KCND2: variants seen among roughly 807,000 people sequenced by gnomAD.
KCND2 encodes the protein potassium voltage-gated channel subfamily D member 2, also known as A-type voltage-gated potassium channel KCND2.
Under a neutral mutation model 54.4 loss-of-function variants are expected in KCND2, and 16 were observed. The ratio of observed to expected loss-of-function variants is 0.29; its 90% CI spans 0.20 to 0.45. The LOEUF is 0.45. KCND2 is among the 20% of genes least tolerant of loss of function. The pLI, the probability that KCND2 is intolerant of heterozygous loss-of-function variation, is 1.00. For missense variants in KCND2, 486 were observed against 824.2 expected (o/e 0.59, Z 5.02); for synonymous variants, 317 against 310.7 (o/e 1.02, Z -0.21).
chr7:120,279,133 G>A (rs11773232), intron 1 of KCND2, among the ~76,000 whole-genome samples: 19,046 of 151,696 alleles, frequency 0.13, 1,259 homozygotes, highest in African/African-American at 0.16. Flanking sequence ...GCTAAACTTA[G>A]GAAATTTCCA....
At chr7:120,558,424 C>G (rs58650519) in intron 1 of KCND2, among the ~76,000 whole-genome samples, 2,467 of 152,214 alleles carry the variant, frequency 0.016, 56 homozygotes, top group African/African-American at 0.055. Flanking sequence ...ATTCCTTCTA[C>G]ACACAAACAC....
At chr7:120,684,849 T>C (rs184927006) in intron 1 of KCND2, among the ~76,000 whole-genome samples, 9 of 152,264 alleles carry the variant, frequency 5.9e-5, no homozygotes, top group African/African-American at 1.7e-4. Flanking sequence ...GGGATACAGA[T>C]TGCACATTCC....
chr7:120,558,002 A>G (rs1792185286), intron 1 of KCND2, among the ~76,000 whole-genome samples: 1 of 152,150 alleles, frequency 6.6e-6, no homozygotes, highest in Admixed American at 6.5e-5. Context: ...ACTTTCTGCA[A>G]CCTGGCAGAG....
At chr7:120,398,015 AT>A (rs1801184425) in intron 1 of KCND2, among the ~76,000 whole-genome samples, 3 of 133,410 alleles carry the variant, frequency 2.2e-5, no homozygotes, top group African/African-American at 9.5e-5. Flanking sequence ...ATATATATAT[AT>A]ATATATATAT....
intron 1 of KCND2, among the ~76,000 whole-genome samples, chr7:120,427,497 A>G (rs1801727852): frequency 6.6e-6 from 1 of 152,368 alleles, no homozygotes; most frequent in East Asian, 1.9e-4. Flanking sequence ...AAGAATGGCC[A>G]TAAAAGCTGG....
chr7:120,684,160 C>T (rs1470317490), intron 1 of KCND2, among the ~76,000 whole-genome samples: 1 of 152,138 alleles, frequency 6.6e-6, no homozygotes, highest in African/African-American at 2.4e-5. Context: ...GAGCCTAATT[C>T]TGAACATGAG....
intron 1 of KCND2, among the ~76,000 whole-genome samples, chr7:120,298,189 A>G (rs1019157596): frequency 1.3e-5 from 2 of 152,180 alleles, no homozygotes; most frequent in African/African-American, 4.8e-5. Flanking sequence ...ATATTAACTT[A>G]CACAGACATA....
At position 120,747,792 on chromosome 7, in the gene KCND2, A is replaced by G. The variant is rs1793025430; in HGVS notation, c.1827A>G (p.Glu609=). The G allele has an allele frequency of 6.2e-7, 1 of 1,612,822 alleles. No homozygotes were observed. The highest frequency in any genetic ancestry group is 1.3e-5 in the African/African-American group (1 of 75,012). The part of the protein sequence containing the change: ...SIPTPPVTTP[E]GDDRPESPEY... ...CAACACCTCCAGTAACCACACCAGA[A>G]GGAGACGATAGGCCAGAATCCCCTG... Residue 609 remains glutamate, a synonymous_variant, in exon 6 of 6, where the codon GAA becomes GAG. Transcript: ENST00000331113.
At chr7:120,656,509 A>C (rs558036098) in intron 1 of KCND2, among the ~76,000 whole-genome samples, 45 of 152,234 alleles carry the variant, frequency 3.0e-4, no homozygotes, top group Non-Finnish European at 5.6e-4. Flanking sequence ...AAGTACACAG[A>C]GCATACTGAG....
intron 1 of KCND2, among the ~76,000 whole-genome samples, chr7:120,558,769 A>G (rs956906910): frequency 6.6e-6 from 1 of 151,994 alleles, no homozygotes; most frequent in African/African-American, 2.4e-5. Flanking sequence ...TTCCTTTTTA[A>G]CAGTTGCCTG....
At chr7:120,376,961 A>G (rs1011139681) in intron 1 of KCND2, among the ~76,000 whole-genome samples, 2 of 151,868 alleles carry the variant, frequency 1.3e-5, no homozygotes, top group Non-Finnish European at 2.9e-5. Flanking sequence ...AGTTCACACA[A>G]TTTCCCTTAA....
At chr7:120,484,985 C>G (rs976063421) in intron 1 of KCND2, among the ~76,000 whole-genome samples, 1 of 152,088 alleles carries the variant, frequency 6.6e-6, no homozygotes, top group Non-Finnish European at 1.5e-5. Context: ...CTCCTGGACT[C>G]AAGTGATCCT....
chr7:120,300,912 A>G (rs1055897245), intron 1 of KCND2, among the ~76,000 whole-genome samples: 6 of 152,136 alleles, frequency 3.9e-5, no homozygotes, highest in East Asian at 1.9e-4. Flanking sequence ...TAGTATTAAT[A>G]TGCTCATTTT....
chr7:120,472,512 C>A (rs1306050715), intron 1 of KCND2, among the ~76,000 whole-genome samples: 1 of 151,902 alleles, frequency 6.6e-6, no homozygotes, highest in Non-Finnish European at 1.5e-5. Flanking sequence ...ACCCTAAGTT[C>A]TTATAAAGTA....
At chr7:120,641,589 G>A (rs1793376272) in intron 1 of KCND2, among the ~76,000 whole-genome samples, 1 of 152,084 alleles carries the variant, frequency 6.6e-6, no homozygotes, top group African/African-American at 2.4e-5. Flanking sequence ...AGATGCAGTG[G>A]GCTGAAGGAT....
At chr7:120,498,072 A>G (rs1465541857) in intron 1 of KCND2, among the ~76,000 whole-genome samples, 1 of 152,246 alleles carries the variant, frequency 6.6e-6, no homozygotes, top group Non-Finnish European at 1.5e-5. Flanking sequence ...ATATCCATTT[A>G]TCAACATTTT....
chr7:120,563,232 C>T (rs1792256991), intron 1 of KCND2, among the ~76,000 whole-genome samples: 1 of 152,048 alleles, frequency 6.6e-6, no homozygotes, highest in Non-Finnish European at 1.5e-5. Flanking sequence ...AGAATATGCA[C>T]ATTGTAAGTT....
chr7:120,402,087 G>A lies in KCND2; in HGVS notation c.1115+126340G>A, dbSNP rs117263378. Among the ~76,000 whole-genome samples the A allele has an allele frequency of 7.4e-3, 1,122 of 152,264 alleles. 11 individuals carry two copies. Among genetic ancestry groups the A allele is most frequent in the Non-Finnish European group, 0.01 (691 of 68,012 alleles). On this transcript the variant is annotated intron_variant, in intron 1 of 5. Coordinates refer to ENST00000331113, the MANE Select transcript of KCND2 (RefSeq NM_012281.3). ...AATTGCTTTAACAAACGGAAAATGA[G>A]TTCAGAATGAAGCAGAATGCCTAAG...
At chr7:120,353,211 A>G (rs1220962813) in intron 1 of KCND2, among the ~76,000 whole-genome samples, 1 of 134,726 alleles carries the variant, frequency 7.4e-6, no homozygotes, top group Non-Finnish European at 1.5e-5. Context: ...CTCATCTGGG[A>G]AGGGGTGAAA....
Sources: gnomAD v4.1 joint callset for allele counts (sites outside exome capture counted in the v4.1 genomes callset) on GRCh38, gnomAD v4.1.1 for gene constraint, MANE v1.5 for transcripts, NCBI Gene and HGNC (gene_info 2026-07-23, HGNC 2026-07-21) for gene names.